The following RGS7 variants were observed in gnomAD, a reference collection of about 807,000 sequenced individuals.
RGS7 encodes regulator of G protein signaling 7.
RGS7 carries 27 observed loss-of-function variants against 81.1 expected under a neutral mutation model. The observed-to-expected ratio is 0.33, with a 90% CI of 0.25 to 0.46. RGS7 has a LOEUF of 0.46. RGS7 is among the 20% of genes least tolerant of loss of function. The pLI is 1.00. For synonymous variants in RGS7, 208 were observed against 207.7 expected (o/e 1.00, Z -0.01); for missense variants, 396 against 607.4 (o/e 0.65, Z 3.66).
chr1:241,047,338 C>T (rs1267703523), intron 3 of RGS7, among the ~76,000 whole-genome samples: 8 of 152,152 alleles, frequency 5.3e-5, no homozygotes, highest in African/African-American at 1.9e-4. Flanking sequence ...ATCTAAAATA[C>T]TTGATCCAAC....
At chr1:241,086,425 C>T (rs943301984) in intron 3 of RGS7, among the ~76,000 whole-genome samples, 1 of 152,060 alleles carries the variant, frequency 6.6e-6, no homozygotes, top group African/African-American at 2.4e-5. Context: ...CACCACCACC[C>T]CTAATCCTCC....
At chr1:240,827,747 C>T (rs999854211) in intron 9 of RGS7, among the ~76,000 whole-genome samples, 2 of 151,504 alleles carry the variant, frequency 1.3e-5, no homozygotes, top group African/African-American at 4.9e-5. Flanking sequence ...GCCTGTAATC[C>T]CAGATACTTA....
chr1:240,981,828 C>G (rs988242306), intron 4 of RGS7, among the ~76,000 whole-genome samples: 4 of 152,048 alleles, frequency 2.6e-5, no homozygotes, highest in African/African-American at 9.7e-5. Context: ...ATAAAGCTAG[C>G]TTAAAATGAG....
Position 240,982,834 on chromosome 1 carries a change from C to T in RGS7, c.226+245G>A, listed in dbSNP as rs1157225023. On this transcript the variant is annotated intron_variant, in intron 4 of 18. Transcript: ENST00000440928. ...TACAGCTGATCCAGTCTAACGATCA[C>T]CGATGACCTGAATCAAATAATATGG... 5.3e-5 allele frequency among the ~76,000 whole-genome samples: 8 copies of T among 151,986 alleles called. No individual in the cohort carries two copies. In the East Asian group the frequency reaches 1.3e-3, roughly 26 times the overall value.
chr1:240,783,190 C>T (rs1167630441), intron 18 of RGS7, among the ~76,000 whole-genome samples: 1 of 152,184 alleles, frequency 6.6e-6, no homozygotes. Context: ...AAACCAATTC[C>T]TTTCTGTCCT....
At chr1:240,907,902 T>G (rs558849765) in intron 6 of RGS7, among the ~76,000 whole-genome samples, 1 of 152,190 alleles carries the variant, frequency 6.6e-6, no homozygotes, top group Non-Finnish European at 1.5e-5. Context: ...TGCCGATCCA[T>G]AAAATACATG....
At chr1:241,180,412 A>C (rs1309643814) in intron 2 of RGS7, among the ~76,000 whole-genome samples, 2 of 152,040 alleles carry the variant, frequency 1.3e-5, no homozygotes, top group Non-Finnish European at 2.9e-5. Flanking sequence ...ACAACAACAA[A>C]AAACACAGAA....
chr1:241,121,434 A>C (rs2066246986), intron 2 of RGS7, among the ~76,000 whole-genome samples: 1 of 152,180 alleles, frequency 6.6e-6, no homozygotes, highest in South Asian at 2.1e-4. Flanking sequence ...AGAAACAAAA[A>C]CAAAGTCTCT....
intron 2 of RGS7, among the ~76,000 whole-genome samples, chr1:241,108,841 T>A (rs1021598910): frequency 1.3e-5 from 2 of 152,168 alleles, no homozygotes; most frequent in Non-Finnish European, 2.9e-5. Flanking sequence ...TCTGTCAGAA[T>A]CCTTCTCCTT....
intron 3 of RGS7, among the ~76,000 whole-genome samples, chr1:241,082,965 C>T (rs1452022394): frequency 1.3e-5 from 2 of 152,076 alleles, no homozygotes; most frequent in Admixed American, 1.3e-4. Flanking sequence ...TGGCTCATGC[C>T]TGTAATCCCA....
intron 2 of RGS7, among the ~76,000 whole-genome samples, chr1:241,099,270 CT>C (rs1276753350): frequency 2.2e-4 from 34 of 152,254 alleles, no homozygotes; most frequent in African/African-American, 7.7e-4. Flanking sequence ...ACTATTACAT[CT>C]CTTGCCCGGG....
chr1:241,240,627 T>C (rs2076217225), intron 2 of RGS7, among the ~76,000 whole-genome samples: 1 of 152,160 alleles, frequency 6.6e-6, no homozygotes, highest in Non-Finnish European at 1.5e-5. Context: ...GTGCATATAC[T>C]TCATCATATA....
At chr1:241,109,463 G>A (rs12047411) in intron 2 of RGS7, among the ~76,000 whole-genome samples, 48,160 of 151,644 alleles carry the variant, frequency 0.32, 12,833 homozygotes, top group African/African-American at 0.74. Context: ...TGACTTACAT[G>A]TAAGTTATTT....
chr1:240,956,620 T>C (rs1558521757), intron 4 of RGS7, among the ~76,000 whole-genome samples: 2 of 152,128 alleles, frequency 1.3e-5, no homozygotes, highest in Non-Finnish European at 2.9e-5. Flanking sequence ...CTTTACAATA[T>C]ATTTTACATC....
intron 2 of RGS7, among the ~76,000 whole-genome samples, chr1:241,268,724 G>A (rs938741018): frequency 6.6e-6 from 1 of 152,098 alleles, no homozygotes; most frequent in East Asian, 1.9e-4. Context: ...GTGTCATTAT[G>A]GGACTCTAAC....
intron 2 of RGS7, among the ~76,000 whole-genome samples, chr1:241,099,824 C>A (rs1399100413): frequency 1.3e-5 from 2 of 152,128 alleles, no homozygotes; most frequent in African/African-American, 4.8e-5. Flanking sequence ...ACAGTTCCTA[C>A]CCTCAAAAAA....
chr1:241,136,930 G>T (rs1165133949), intron 2 of RGS7, among the ~76,000 whole-genome samples: 1 of 152,178 alleles, frequency 6.6e-6, no homozygotes, highest in Admixed American at 6.5e-5. Context: ...CTGTTAATCT[G>T]TTGGTGGCTT....
intron 9 of RGS7, among the ~76,000 whole-genome samples, chr1:240,837,819 G>A (rs1694959982): frequency 6.6e-6 from 1 of 152,140 alleles, no homozygotes; most frequent in Admixed American, 6.5e-5. Flanking sequence ...AAAGGCTAAA[G>A]AGAACCAAAT....
chr1:241,142,665 T>C (rs886623145), intron 2 of RGS7, among the ~76,000 whole-genome samples: 2 of 152,200 alleles, frequency 1.3e-5, no homozygotes, highest in African/African-American at 2.4e-5. Flanking sequence ...CTTTTCCTCC[T>C]AGGCCTCCAG....
Sources: gnomAD v4.1 joint callset for allele counts (sites outside exome capture counted in the v4.1 genomes callset) on GRCh38, gnomAD v4.1.1 for gene constraint, MANE v1.5 for transcripts, NCBI Gene and HGNC (gene_info 2026-07-23, HGNC 2026-07-21) for gene names.